TIAM1: variants seen among roughly 807,000 people sequenced by gnomAD.
The protein encoded by TIAM1 is rho guanine nucleotide exchange factor TIAM1.
In TIAM1, 65 loss-of-function variants were observed where a neutral mutation model predicts 163.5. That is an observed-to-expected ratio of 0.40 (90% CI 0.33 to 0.49). The LOEUF (loss-of-function observed/expected upper bound fraction) is 0.49. Among genes scored for constraint, TIAM1 ranks in the 20% least tolerant of loss-of-function variants. The probability of loss-of-function intolerance (pLI) is 0.77; values close to 1 mark genes in which losing one functional copy is unlikely to be tolerated. For synonymous variants in TIAM1, 833 were observed against 810.1 expected, an observed-to-expected ratio of 1.03 and a Z score of -0.48; for missense variants, 1,789 against 2,044.7, an observed-to-expected ratio of 0.87 and a Z score of 2.41.
At chr21:31,328,527 C>T (rs762337339) in intron 2 of TIAM1, among the ~76,000 whole-genome samples, 1 of 151,838 alleles carries the variant, frequency 6.6e-6, no homozygotes, top group East Asian at 1.9e-4. Context: ...CACGGCACCA[C>T]GACTGGCTTA....
rs189204435 is a variant in TIAM1, at chr21:31,374,519, T to C, written c.-368-35097A>G. 1.1e-3 allele frequency among the ~76,000 whole-genome samples: 172 copies of C among 152,162 alleles called. 1 individual carries two copies. The highest frequency in any genetic ancestry group is 4.1e-3 in the African/African-American group (170 of 41,520). ...CTCAGGACTAAAGGATCGGATATCCTCCCTCCCTGACTCCTCAAATTGACC... is the reference window on the plus strand; with the variant it reads ...CTCAGGACTAAAGGATCGGATATCCCCCCTCCCTGACTCCTCAAATTGACC... On this transcript the variant is annotated intron_variant, in intron 2 of 28. Transcript: ENST00000286827.
chr21:31,361,940 G>A (rs910306134), intron 2 of TIAM1, among the ~76,000 whole-genome samples: 1 of 152,106 alleles, frequency 6.6e-6, no homozygotes, highest in South Asian at 2.1e-4. Context: ...ATACATGCAT[G>A]TAAGTGTATA....
At position 31,362,448 on chromosome 21, in the gene TIAM1, TATTA is replaced by T. The variant is rs1221290652; in HGVS notation, c.-368-23030_-368-23027del. Among the ~76,000 whole-genome samples, 5 of 97,274 alleles carry T rather than the reference TATTA, an allele frequency of 5.1e-5. No homozygotes were observed. The East Asian group carries it at 1.0e-3, about 20-fold the overall frequency. The allele number at this position is 97,274 out of a possible 152,430, so 63.8% of individuals were successfully genotyped here. ...CATTACCCATTAATGCAGTGACAAT[TATTA>T]TTATTATTATTATTATTATTATTAT... On this transcript the variant is annotated intron_variant, in intron 2 of 28. Transcript: ENST00000286827.
At chr21:31,270,943 A>G (rs2073030208) in intron 3 of TIAM1, among the ~76,000 whole-genome samples, 1 of 152,152 alleles carries the variant, frequency 6.6e-6, no homozygotes, top group Non-Finnish European at 1.5e-5. Context: ...CAGACCTTCA[A>G]TCAAATGTCC....
chr21:31,474,439 G>A lies in TIAM1; in HGVS notation c.-421-10404C>T, dbSNP rs868436452. Among the ~76,000 whole-genome samples the A allele has an allele frequency of 2.0e-5, 3 of 152,160 alleles. No homozygotes were observed. The South Asian group carries it at 6.2e-4, about 32-fold the overall frequency. ...TGTGCCTCAGTTTCCTCATCTGTAA[G>A]ATGAGGATGGCAGCAGCTAACAGGC... On this transcript the variant is annotated intron_variant, in intron 1 of 28. Coordinates refer to the TIAM1 transcript ENST00000286827.
At position 31,210,696 on chromosome 21, in the gene TIAM1, A is replaced by G. The variant is rs1240855716; in HGVS notation, c.2218-481T>C. 1.2e-3 allele frequency among the ~76,000 whole-genome samples: 128 copies of G among 109,506 alleles called. 4 individuals are homozygous for G. The highest frequency in any genetic ancestry group is 3.7e-3 in the East Asian group (12 of 3,242). 71.8% of individuals were successfully genotyped at this position (109,506 alleles called of 152,430 possible). On this transcript the variant is annotated intron_variant, in intron 10 of 27. Transcript: ENST00000541036. Reference sequence around the variant, plus strand: ...GAAAGAAAGAAAGAAAAAGAAAGAAAGAAAGAAAGAGAAAGAAAGAGAAAG... The same window carrying G: ...GAAAGAAAGAAAGAAAAAGAAAGAAGGAAAGAAAGAGAAAGAAAGAGAAAG...
intron 8 of TIAM1, among the ~76,000 whole-genome samples, chr21:31,220,613 G>C (rs1384352247): frequency 2.6e-5 from 4 of 152,214 alleles, no homozygotes; most frequent in Non-Finnish European, 5.9e-5. Flanking sequence ...TGACTAGTTA[G>C]TTTAGTCTGT....
At chr21:31,428,714 C>T (rs886788162) in intron 2 of TIAM1, among the ~76,000 whole-genome samples, 2 of 151,908 alleles carry the variant, frequency 1.3e-5, no homozygotes, top group African/African-American at 2.4e-5. Flanking sequence ...AAAACCCCAC[C>T]TCTACAAAAA....
At chr21:31,335,247 C>T (rs1052920089) in intron 2 of TIAM1, among the ~76,000 whole-genome samples, 1 of 152,166 alleles carries the variant, frequency 6.6e-6, no homozygotes, top group African/African-American at 2.4e-5. Context: ...GGACCAACAT[C>T]TAAAAATAAA....
At chr21:31,160,750 C>G in intron 16 of TIAM1, 1 of 370,628 alleles carries the variant, frequency 2.7e-6, no homozygotes, top group Middle Eastern at 6.8e-4. Flanking sequence ...GCTGCACTCG[C>G]TTCCCACCAG....
At chr21:31,365,604 G>C (rs1021024378) in intron 2 of TIAM1, among the ~76,000 whole-genome samples, 1 of 151,428 alleles carries the variant, frequency 6.6e-6, no homozygotes, top group Non-Finnish European at 1.5e-5. Flanking sequence ...TGTTAGCCAG[G>C]ATGGTCTCGA....
chr21:31,127,005 C>G, intron 26 of TIAM1, 60 bp downstream of exon 26: 1 of 1,553,494 alleles, frequency 6.4e-7, no homozygotes, highest in Non-Finnish European at 8.9e-7. Flanking sequence ...CGTAAGACAC[C>G]AAACCGTTCC....
chr21:31,228,239 A>AT (rs1569068810), intron 6 of TIAM1, among the ~76,000 whole-genome samples: 67 of 49,326 alleles, frequency 1.4e-3, no homozygotes, highest in East Asian at 2.5e-3. Flanking sequence ...AAAAAAAAAA[A>AT]AAAAAAAAAA....
chr21:31,504,952 A>C (rs1026132378), intron 1 of TIAM1, among the ~76,000 whole-genome samples: 3 of 152,192 alleles, frequency 2.0e-5, no homozygotes, highest in Non-Finnish European at 4.4e-5. Flanking sequence ...CTTTTAAAGA[A>C]ATTAGCAAGT....
At chr21:31,211,351 G>A (rs958099641) in intron 10 of TIAM1, among the ~76,000 whole-genome samples, 1 of 152,194 alleles carries the variant, frequency 6.6e-6, no homozygotes, top group Non-Finnish European at 1.5e-5. Context: ...AGCAAGGAAA[G>A]AATGATGTTA....
At chr21:31,213,866 C>CAAAAA (rs35524539) in intron 9 of TIAM1, among the ~76,000 whole-genome samples, 10 of 54,836 alleles carry the variant, frequency 1.8e-4, no homozygotes, top group East Asian at 7.5e-4. Context: ...CTCATCTCTA[C>CAAAAA]AAAAAAAAAA....
Position 31,266,780 on chromosome 21 carries a change from G to T in TIAM1, c.193C>A (p.Pro65Thr). 1 of 1,614,208 alleles carries T rather than the reference G, an allele frequency of 6.2e-7. No individual in the cohort carries two copies. Among genetic ancestry groups the T allele is most frequent in the Non-Finnish European group, 8.5e-7 (1 of 1,180,046 alleles). ...AGGCCATTTTCAGCCAGGGACTGGG[G>T]GATGCTGGGGGTGCTGCTGGATCGG... ...STRSSSTPSIPQSLAENGLEP... is the reference protein window; with the variant it reads ...STRSSSTPSITQSLAENGLEP... Residue 65 changes from proline to threonine, a missense_variant, in exon 4 of 28, where the codon CCC (proline) becomes ACC (threonine). Physicochemically the swap from Pro to Thr is conservative, Grantham distance 38. Around this residue, in one of 5 missense-constraint regions of TIAM1, gnomAD observed 555 missense variants for 564.9 expected, o/e 0.98. Coordinates refer to ENST00000541036, the MANE Select transcript of TIAM1 (RefSeq NM_001353694.2).
At chr21:31,174,087 C>T (rs1046696204) in intron 15 of TIAM1, among the ~76,000 whole-genome samples, 1 of 152,238 alleles carries the variant, frequency 6.6e-6, no homozygotes, top group Admixed American at 6.5e-5. Context: ...AATCTGAAGC[C>T]CTGGACCATA....
chr21:31,262,204 T>C (rs2072516679), intron 4 of TIAM1, among the ~76,000 whole-genome samples: 1 of 152,160 alleles, frequency 6.6e-6, no homozygotes, highest in South Asian at 2.1e-4. Context: ...TTCATTCCCT[T>C]GCAGAATCTC....
Sources: allele counts gnomAD v4.1 joint callset (sites outside exome capture counted in the v4.1 genomes callset), GRCh38; gene constraint gnomAD v4.1.1; regional missense constraint gnomAD v4.1.1; transcripts MANE v1.5; gene names NCBI Gene and HGNC (gene_info 2026-07-23, HGNC 2026-07-21).